Variants in CTNNA3 observed in about 807,000 individuals in gnomAD.
CTNNA3 encodes the protein catenin alpha 3, also known as catenin alpha-3.
A neutral mutation model predicts 95.7 loss-of-function variants in CTNNA3; 76 were observed. The ratio of observed to expected loss-of-function variants is 0.79; its 90% CI spans 0.66 to 0.96. The LOEUF is 0.96. Ranked by LOEUF, CTNNA3 falls within the 40% of genes least tolerant of loss-of-function variation. The pLI is 0.00. For missense variants in CTNNA3, 1,191 were observed against 1,089.8 expected (o/e 1.09, Z -1.31); for synonymous variants, 431 against 374.4 (o/e 1.15, Z -1.74).
At chr10:67,737,322 C>A (rs1371926949) in intron 1 of CTNNA3, among the ~76,000 whole-genome samples, 1 of 151,740 alleles carries the variant, frequency 6.6e-6, no homozygotes, top group African/African-American at 2.4e-5. Context: ...ATACAACATA[C>A]CAAAAGATAC....
chr10:66,245,152 C>A (rs1173113033), intron 13 of CTNNA3, among the ~76,000 whole-genome samples: 1 of 152,196 alleles, frequency 6.6e-6, no homozygotes, highest in Admixed American at 6.5e-5. Flanking sequence ...GGTCCGGCCA[C>A]TGCTCAGTCA....
intron 13 of CTNNA3, among the ~76,000 whole-genome samples, chr10:66,187,659 C>A (rs2086415609): frequency 1.3e-5 from 2 of 151,780 alleles, no homozygotes; most frequent in African/African-American, 4.8e-5. Flanking sequence ...AATTTTTTAG[C>A]TAACTAATAA....
intron 10 of CTNNA3, among the ~76,000 whole-genome samples, chr10:66,557,290 G>A (rs535564115): frequency 1.4e-4 from 21 of 151,998 alleles, no homozygotes; most frequent in Non-Finnish European, 1.8e-4. Flanking sequence ...AAATACAGGT[G>A]ACACCATAAA....
chr10:66,222,777 A>AG (rs2089038390), intron 13 of CTNNA3, among the ~76,000 whole-genome samples: 1 of 152,066 alleles, frequency 6.6e-6, no homozygotes, highest in East Asian at 1.9e-4. Context: ...AGAGAAAAGG[A>AG]AAGAAAAGTA....
intron 1 of CTNNA3, among the ~76,000 whole-genome samples, chr10:67,714,429 G>A (rs1420081842): frequency 1.3e-5 from 2 of 152,224 alleles, no homozygotes; most frequent in Admixed American, 6.5e-5. Context: ...AGACTTGTGT[G>A]GGGCCTGTAG....
intron 12 of CTNNA3, among the ~76,000 whole-genome samples, chr10:66,290,388 A>G (rs2091661628): frequency 6.6e-6 from 1 of 152,052 alleles, no homozygotes; most frequent in Admixed American, 6.6e-5. Flanking sequence ...GCAATGGGTT[A>G]TATGGTTCAT....
At chr10:66,712,821 T>C (rs1391123719) in intron 9 of CTNNA3, among the ~76,000 whole-genome samples, 1 of 152,148 alleles carries the variant, frequency 6.6e-6, no homozygotes, top group Non-Finnish European at 1.5e-5. Context: ...CAGCTACCTA[T>C]GCTAGACTAC....
At chr10:66,346,232 TATATATATATATATAGAGAGAGAGAGAG>T (rs764754774) in intron 12 of CTNNA3, among the ~76,000 whole-genome samples, 4,138 of 60,952 alleles carry the variant, frequency 0.068, 74 homozygotes, top group East Asian at 0.21. Context: ...TATATATATA[TATATATATATATATAGAGAGAGAGAGAG>T]AGAGAGAGAG....
intron 9 of CTNNA3, among the ~76,000 whole-genome samples, chr10:66,690,146 G>C (rs1377690580): frequency 1.3e-5 from 2 of 152,238 alleles, no homozygotes; most frequent in South Asian, 4.1e-4. Context: ...GTAACTGGGA[G>C]TATGCATGTA....
intron 5 of CTNNA3, among the ~76,000 whole-genome samples, chr10:67,416,671 A>G (rs2132854916): frequency 6.6e-6 from 1 of 152,110 alleles, no homozygotes; most frequent in Non-Finnish European, 1.5e-5. Flanking sequence ...TCTCAAAAGA[A>G]GATAAGTGGC....
intron 5 of CTNNA3, among the ~76,000 whole-genome samples, chr10:67,273,038 C>T (rs1258492772): frequency 6.6e-6 from 1 of 152,080 alleles, no homozygotes; most frequent in African/African-American, 2.4e-5. Context: ...GTAGTAGTTA[C>T]AATTACACAG....
intron 5 of CTNNA3, among the ~76,000 whole-genome samples, chr10:67,391,089 T>G (rs1844454821): frequency 6.6e-6 from 1 of 150,650 alleles, no homozygotes; most frequent in Admixed American, 6.6e-5. Context: ...TAAAGGGTAT[T>G]CAATTAGGAA....
At chr10:67,022,771 G>A (rs2894025) in intron 7 of CTNNA3, among the ~76,000 whole-genome samples, 137,117 of 151,870 alleles carry the variant, frequency 0.9, 62,317 homozygotes, top group South Asian at 0.97. Context: ...CCCTGTCTCT[G>A]CTAAAAATAC....
intron 7 of CTNNA3, among the ~76,000 whole-genome samples, chr10:67,162,609 A>T (rs777112641): frequency 4.6e-5 from 7 of 151,988 alleles, no homozygotes; most frequent in Non-Finnish European, 8.8e-5. Flanking sequence ...AAAAATCTAG[A>T]AAGAAAGCAT....
At chr10:66,644,306 C>A (rs2894008) in intron 9 of CTNNA3, among the ~76,000 whole-genome samples, 1,125 of 107,370 alleles carry the variant, frequency 0.01, 7 homozygotes, top group Middle Eastern at 0.023. Flanking sequence ...CTCTCTCTCT[C>A]TATATATATA....
chr10:66,808,533 C>A lies in CTNNA3; in HGVS notation c.1048-33009G>T, dbSNP rs200386653. 2.6e-4 allele frequency among the ~76,000 whole-genome samples: 39 copies of A among 152,270 alleles called. No homozygotes were observed. The East Asian group carries it at 3.7e-3, about 14-fold the overall frequency. ...TCAAAAAGTTAAACATACAGTAGTTCCCCTTATCTGAGGTTTTACTTTCCA... is the reference window on the plus strand; with the variant it reads ...TCAAAAAGTTAAACATACAGTAGTTACCCTTATCTGAGGTTTTACTTTCCA... On this transcript the variant is annotated intron_variant, in intron 7 of 17. Transcript: ENST00000433211.
At chr10:67,416,620 A>C (rs901429977) in intron 5 of CTNNA3, among the ~76,000 whole-genome samples, 5 of 150,838 alleles carry the variant, frequency 3.3e-5, no homozygotes, top group Non-Finnish European at 5.9e-5. Context: ...AAAAAAAAAA[A>C]AAAAAAAAAA....
chr10:65,997,614 G>A (rs2078690353), intron 15 of CTNNA3, among the ~76,000 whole-genome samples: 1 of 152,136 alleles, frequency 6.6e-6, no homozygotes, highest in Non-Finnish European at 1.5e-5. Context: ...AACTCAGAGA[G>A]TACCGGAAAG....
intron 1 of CTNNA3, among the ~76,000 whole-genome samples, chr10:67,704,121 A>G (rs10997786): frequency 0.12 from 18,608 of 152,232 alleles, 1,276 homozygotes; most frequent in Non-Finnish European, 0.16. Flanking sequence ...TCAATGAAAT[A>G]AAAGAGGATA....
Sources: gnomAD v4.1 joint callset for allele counts (sites outside exome capture counted in the v4.1 genomes callset) on GRCh38, gnomAD v4.1.1 for gene constraint, MANE v1.5 for transcripts, NCBI Gene and HGNC (gene_info 2026-07-23, HGNC 2026-07-21) for gene names.